TMIGD3: variants seen among roughly 807,000 people sequenced by gnomAD.
The protein encoded by TMIGD3 is transmembrane and immunoglobulin domain containing 3, also known as AD026 protein (AD026).
In TMIGD3, 21 loss-of-function variants were observed where a neutral mutation model predicts 28.1. The ratio of observed to expected loss-of-function variants is 0.75; its 90% CI spans 0.53 to 1.08. TMIGD3 has a LOEUF of 1.08. Among genes scored for constraint, TMIGD3 ranks in the 50% least tolerant of loss-of-function variants. The pLI is 0.00. For missense variants in TMIGD3, 416 were observed against 435.6 expected (o/e 0.96, Z 0.40); for synonymous variants, 151 against 162.1 (o/e 0.93, Z 0.52).
rs1654852997 is a variant in TMIGD3 at position 111,495,563 on chromosome 1, T to C, written c.351-4801A>G. ...TATACTAATTGAACCAATTACTAAA[T>C]AAAATTAGTTCAATTCATGTATAAC... On this transcript the variant is annotated intron_variant, in intron 1 of 5. Transcript: ENST00000369716. 3.3e-5 allele frequency among the ~76,000 whole-genome samples: 5 copies of C among 152,326 alleles called. No homozygotes were observed. In the South Asian group the frequency reaches 1.0e-3, roughly 32 times the overall value.
chr1:111,511,640 C>T (rs557080278), intron 1 of TMIGD3, among the ~76,000 whole-genome samples: 6 of 151,152 alleles, frequency 4.0e-5, no homozygotes, highest in Non-Finnish European at 7.4e-5. Context: ...ATTTCATTCC[C>T]TCATCTCTGT....
chr1:111,539,548 G>A (rs112278645), intron 1 of TMIGD3, among the ~76,000 whole-genome samples: 2,485 of 152,096 alleles, frequency 0.016, 70 homozygotes, highest in African/African-American at 0.056. Context: ...CGCCCGCCTC[G>A]GCCTCCCAAA....
chr1:111,521,600 C>A, intron 1 of TMIGD3, among the ~76,000 whole-genome samples: 1 of 151,936 alleles, frequency 6.6e-6, no homozygotes, highest in East Asian at 1.9e-4. Context: ...AAATTTTGTG[C>A]CCATTTTTCT....
At chr1:111,500,700 T>C (rs1655130941) in intron 1 of TMIGD3, 6 of 796,568 alleles carry the variant, frequency 7.5e-6, no homozygotes, top group East Asian at 4.9e-5. Flanking sequence ...GAGGGCAGCA[T>C]TGATATCCTA....
intron 1 of TMIGD3, among the ~76,000 whole-genome samples, chr1:111,501,941 GA>G (rs1280635833): frequency 6.7e-6 from 1 of 150,166 alleles, no homozygotes; most frequent in African/African-American, 2.5e-5. Flanking sequence ...CACATGTAAT[GA>G]AGAATATTTT....
chr1:111,511,749 C>T lies in TMIGD3; in HGVS notation c.108-20987G>A, dbSNP rs186024618. ...TGTTTATTTCCTATGCCACAACTTTCGCAGTCAGAGCTCATTTGTTCATTT... is the reference window on the plus strand; with the variant it reads ...TGTTTATTTCCTATGCCACAACTTTTGCAGTCAGAGCTCATTTGTTCATTT... On this transcript the variant is annotated intron_variant, in intron 1 of 5. Coordinates refer to the TMIGD3 transcript ENST00000369717. 1.6e-4 allele frequency among the ~76,000 whole-genome samples: 24 copies of T among 151,824 alleles called. No homozygotes were observed. The East Asian group carries it at 3.1e-3, about 20-fold the overall frequency.
At chr1:111,548,690 C>A (rs1657131927) in intron 1 of TMIGD3, among the ~76,000 whole-genome samples, 2 of 152,164 alleles carry the variant, frequency 1.3e-5, no homozygotes, top group Non-Finnish European at 2.9e-5. Context: ...GATGGTCTGC[C>A]ACCGTAGGCT....
upstream of TMIGD3, among the ~76,000 whole-genome samples, chr1:111,507,478 G>A (rs759519123): frequency 2.2e-4 from 33 of 152,116 alleles, no homozygotes; most frequent in Non-Finnish European, 4.1e-4. Context: ...TTGGGGTTCC[G>A]CTTAATAATC....
intron 1 of TMIGD3, 69 bp from the exon 2 acceptor site, chr1:111,490,831 A>G: frequency 8.5e-7 from 1 of 1,177,754 alleles, no homozygotes; most frequent in East Asian, 2.4e-5. Flanking sequence ...ACCAGTGAAA[A>G]GGGAAACAAC....
At chr1:111,524,762 GGT>G (rs1491318515) in intron 1 of TMIGD3, among the ~76,000 whole-genome samples, 2 of 152,076 alleles carry the variant, frequency 1.3e-5, no homozygotes, top group African/African-American at 2.4e-5. Flanking sequence ...TGGGATTACA[GGT>G]GCATGCCACC....
chr1:111,505,216 T>C (rs946199758), upstream of TMIGD3, among the ~76,000 whole-genome samples: 1 of 144,082 alleles, frequency 6.9e-6, no homozygotes, highest in Non-Finnish European at 1.5e-5. Flanking sequence ...CTCCCTCCCC[T>C]ACCCCAGTAC....
At position 111,533,689 on chromosome 1, in the gene TMIGD3, G is replaced by T. The variant is rs1027184319; in HGVS notation, c.107+30157C>A. On this transcript the variant is annotated intron_variant, in intron 1 of 5. Coordinates refer to the TMIGD3 transcript ENST00000369717. ...TTGCCTCAGCCCCCCGAGTAGCTGG[G>T]ATTACAGGAGCGTGCCACCACACTT... Among the ~76,000 whole-genome samples, 4 of 152,140 alleles carry T rather than the reference G, an allele frequency of 2.6e-5. No homozygotes were observed. In the East Asian group the frequency reaches 7.7e-4, roughly 29 times the overall value.
intron 1 of TMIGD3, among the ~76,000 whole-genome samples, chr1:111,524,685 T>G (rs527910210): frequency 6.6e-5 from 10 of 152,338 alleles, no homozygotes; most frequent in Non-Finnish European, 8.8e-5. Flanking sequence ...GGTGGCATGA[T>G]CTCGGCTTGC....
At chr1:111,529,825 C>G (rs560580035) in intron 1 of TMIGD3, among the ~76,000 whole-genome samples, 8 of 152,068 alleles carry the variant, frequency 5.3e-5, no homozygotes, top group Admixed American at 6.5e-5. Flanking sequence ...ACCTTTCCCC[C>G]CTTTCTATTC....
At chr1:111,547,420 C>A (rs1228043459) in intron 1 of TMIGD3, among the ~76,000 whole-genome samples, 1 of 151,852 alleles carries the variant, frequency 6.6e-6, no homozygotes, top group Non-Finnish European at 1.5e-5. Context: ...TCTTTCATTT[C>A]TGGAATAAAC....
intron 1 of TMIGD3, among the ~76,000 whole-genome samples, chr1:111,549,621 G>C (rs1052458113): frequency 2.0e-5 from 3 of 148,086 alleles, no homozygotes; most frequent in South Asian, 2.1e-4. Flanking sequence ...CTGCACTCCA[G>C]CCTGGGCAAC....
intron 1 of TMIGD3, among the ~76,000 whole-genome samples, chr1:111,511,088 C>T (rs1217016781): frequency 1.3e-5 from 2 of 152,198 alleles, no homozygotes; most frequent in Non-Finnish European, 2.9e-5. Flanking sequence ...CCTATTTCCA[C>T]AAAGTACTGA....
intron 2 of TMIGD3, 127 bp from the exon 3 acceptor site, chr1:111,489,151 T>C (rs1243732613): frequency 1.0e-5 from 9 of 892,892 alleles, no homozygotes; most frequent in African/African-American, 1.7e-5. Context: ...TTGCCTCTTT[T>C]TGATTGGCAA....
At chr1:111,535,557 G>A (rs1479169762) in intron 1 of TMIGD3, among the ~76,000 whole-genome samples, 1 of 152,196 alleles carries the variant, frequency 6.6e-6, no homozygotes, top group Non-Finnish European at 1.5e-5. Flanking sequence ...CACCTAAAAT[G>A]GTCATCGTAG....
Sources: allele counts gnomAD v4.1 joint callset (sites outside exome capture counted in the v4.1 genomes callset), GRCh38; gene constraint gnomAD v4.1.1; transcripts MANE v1.5; gene names NCBI Gene and HGNC (gene_info 2026-07-23, HGNC 2026-07-21).